The following PPA2 variants were observed in gnomAD, a reference collection of about 807,000 sequenced individuals.
The protein encoded by PPA2 is inorganic pyrophosphatase 2, mitochondrial.
Under a neutral mutation model 49.5 loss-of-function variants are expected in PPA2, and 48 were observed. That is an observed-to-expected ratio of 0.97 (90% CI 0.77 to 1.23). The LOEUF is 1.23. Among genes scored for constraint, PPA2 ranks in the 50% most tolerant of loss-of-function variants. The probability of loss-of-function intolerance (pLI) is 0.00; values close to 1 mark genes in which losing one functional copy is unlikely to be tolerated. For missense variants in PPA2, 429 were observed against 410.1 expected (o/e 1.05, Z -0.40); for synonymous variants, 131 against 139.9 (o/e 0.94, Z 0.45).
intron 10 of PPA2, among the ~76,000 whole-genome samples, chr4:105,385,879 A>ATTTTT (rs57267137): frequency 7.6e-6 from 1 of 131,048 alleles, no homozygotes; most frequent in Non-Finnish European, 1.7e-5. Flanking sequence ...TTTATTTTCA[A>ATTTTT]TTTTTTTTTT....
chr4:105,397,148 G>A (rs548943283), intron 8 of PPA2, among the ~76,000 whole-genome samples: 1 of 152,042 alleles, frequency 6.6e-6, no homozygotes, highest in East Asian at 1.9e-4. Flanking sequence ...AGTCCTTACT[G>A]GTTAGTTCAA....
Position 105,396,244 on chromosome 4 carries a change from C to T in PPA2, c.869+5G>A. Reference sequence around the variant, plus strand: ...ATTACTTACATAGAAAAGACAAATTCTTACCAATTTATAGCTCCTCCATTA... The same window carrying T: ...ATTACTTACATAGAAAAGACAAATTTTTACCAATTTATAGCTCCTCCATTA... On this transcript the variant is annotated splice_donor_5th_base_variant and intron_variant, in intron 9 of 11. Coordinates refer to ENST00000341695, the MANE Select transcript of PPA2 (RefSeq NM_176869.3). 1 of 1,539,406 alleles carries T rather than the reference C, an allele frequency of 6.5e-7. No individual in the cohort carries two copies. Among genetic ancestry groups the T allele is most frequent in the South Asian group, 1.2e-5 (1 of 82,052 alleles).
intron 1 of PPA2, among the ~76,000 whole-genome samples, chr4:105,457,667 G>GGTCTCAA (rs1429075994): frequency 6.6e-6 from 1 of 151,984 alleles, no homozygotes; most frequent in East Asian, 1.9e-4. Flanking sequence ...TCAATCTCCT[G>GGTCTCAA]GTCTCAAGCC....
chr4:105,370,360 C>G (rs1732973306), intron 11 of PPA2, among the ~76,000 whole-genome samples: 1 of 151,972 alleles, frequency 6.6e-6, no homozygotes, highest in Non-Finnish European at 1.5e-5. Flanking sequence ...TGCTTAAATT[C>G]TGAAAATTCA....
chr4:105,401,339 TCTG>T (rs1204504114), intron 7 of PPA2, among the ~76,000 whole-genome samples: 1 of 152,158 alleles, frequency 6.6e-6, no homozygotes, highest in African/African-American at 2.4e-5. Flanking sequence ...TTCCATGACT[TCTG>T]CTTTTTCTTC....
chr4:105,449,314 T>C (rs1722564918), intron 4 of PPA2, 36 bp downstream of exon 4: 1 of 1,291,494 alleles, frequency 7.7e-7, no homozygotes, highest in Admixed American at 2.2e-5. Context: ...ATCATTATAA[T>C]CATTTCGGTT....
chr4:105,460,153 T>A (rs1723025780), intron 1 of PPA2, among the ~76,000 whole-genome samples: 1 of 152,182 alleles, frequency 6.6e-6, no homozygotes. Flanking sequence ...CAATCGCAGA[T>A]CGAAAATATT....
intron 2 of PPA2, among the ~76,000 whole-genome samples, chr4:105,455,332 G>A (rs1232543771): frequency 3.9e-5 from 6 of 152,090 alleles, no homozygotes; most frequent in South Asian, 2.1e-4. Flanking sequence ...TCACACACTC[G>A]CATGGACACA....
At chr4:105,441,095 T>C (rs1724340788) in intron 5 of PPA2, among the ~76,000 whole-genome samples, 1 of 152,202 alleles carries the variant, frequency 6.6e-6, no homozygotes, top group South Asian at 2.1e-4. Context: ...TGCCCTCTTG[T>C]GGAGTCTTAT....
rs948752175 is a variant in PPA2 at position 105,473,862 on chromosome 4, C to T, written c.157+32G>A. The T allele has an allele frequency of 3.2e-6, 5 of 1,573,370 alleles. No individual in the cohort carries two copies. The African/African-American group carries it at 5.4e-5, about 17-fold the overall frequency. On this transcript the variant is annotated intron_variant, in intron 1 of 11. Coordinates refer to ENST00000341695, the MANE Select transcript of PPA2 (RefSeq NM_176869.3). ...ATCCCCCACCCAGGTTTCTCCGGTG[C>T]GCCGCTCGGCGAACCTCCGGGAGCT... is the stretch of plus-strand genomic sequence containing the variant.
chr4:105,452,490 T>C (rs1292081654), intron 3 of PPA2, among the ~76,000 whole-genome samples: 1 of 152,142 alleles, frequency 6.6e-6, no homozygotes, highest in Non-Finnish European at 1.5e-5. Context: ...AAATAGGAGA[T>C]GGGGCACGGA....
intron 1 of PPA2, among the ~76,000 whole-genome samples, chr4:105,460,703 TC>T (rs1723051870): frequency 1.3e-5 from 2 of 152,268 alleles, no homozygotes; most frequent in Admixed American, 1.3e-4. Flanking sequence ...AAGTTTGTTA[TC>T]ATGGGGGTAA....
At chr4:105,379,387 G>GTA (rs960213072) in intron 10 of PPA2, among the ~76,000 whole-genome samples, 1 of 151,130 alleles carries the variant, frequency 6.6e-6, no homozygotes, top group Non-Finnish European at 1.5e-5. Context: ...AGATGTGTGT[G>GTA]TATATATATA....
intron 6 of PPA2, among the ~76,000 whole-genome samples, chr4:105,434,573 A>C (rs1284406050): frequency 6.6e-6 from 1 of 152,214 alleles, no homozygotes; most frequent in Non-Finnish European, 1.5e-5. Context: ...TGTCAAAGTT[A>C]AGAAATCCTG....
At chr4:105,388,915 A>G (rs889928673) in intron 9 of PPA2, among the ~76,000 whole-genome samples, 1 of 152,046 alleles carries the variant, frequency 6.6e-6, no homozygotes, top group Non-Finnish European at 1.5e-5. Context: ...AGATTCTTGT[A>G]AGATAAACCG....
At chr4:105,393,317 G>C (rs1325710633) in intron 9 of PPA2, among the ~76,000 whole-genome samples, 1 of 151,604 alleles carries the variant, frequency 6.6e-6, no homozygotes, top group Admixed American at 6.6e-5. Context: ...AACATAGCGA[G>C]ACCCTGTCCA....
At chr4:105,379,932 T>A (rs1161180742) in intron 10 of PPA2, among the ~76,000 whole-genome samples, 1 of 152,052 alleles carries the variant, frequency 6.6e-6, no homozygotes, top group African/African-American at 2.4e-5. Flanking sequence ...CTGTGCCCGG[T>A]CTGCAATTGT....
At chr4:105,438,335 T>C (rs540577921) in intron 5 of PPA2, among the ~76,000 whole-genome samples, 30 of 152,352 alleles carry the variant, frequency 2.0e-4, no homozygotes, top group Non-Finnish European at 2.1e-4. Flanking sequence ...CATTCACTTT[T>C]AGAGTTTCAG....
intron 1 of PPA2, among the ~76,000 whole-genome samples, chr4:105,466,105 C>T (rs1723289654): frequency 6.6e-6 from 1 of 152,138 alleles, no homozygotes; most frequent in South Asian, 2.1e-4. Context: ...ACACCTTCTA[C>T]TGACTTACTT....
Sources: gnomAD v4.1 joint callset for allele counts (sites outside exome capture counted in the v4.1 genomes callset) on GRCh38, gnomAD v4.1.1 for gene constraint, MANE v1.5 for transcripts, NCBI Gene and HGNC (gene_info 2026-07-23, HGNC 2026-07-21) for gene names.